The following DNAAF11 variants were observed in gnomAD, a reference collection of about 807,000 sequenced individuals.
DNAAF11 encodes dynein axonemal assembly factor 11, also known as leucine rich repeat containing 6.
Under a neutral mutation model 60.8 loss-of-function variants are expected in DNAAF11, and 45 were observed. The observed-to-expected ratio is 0.74, with a 90% CI of 0.58 to 0.95. The LOEUF (loss-of-function observed/expected upper bound fraction) is 0.95. DNAAF11 is among the 40% of genes least tolerant of loss of function. The pLI is 0.00. For synonymous variants in DNAAF11, 191 were observed against 183.5 expected, an observed-to-expected ratio of 1.04 and a Z score of -0.33; for missense variants, 546 against 546.2, an observed-to-expected ratio of 1.00 and a Z score of 0.00.
In DNAAF11 at chr8:132,636,911, C is replaced by A. The variant is rs540727743; in HGVS notation, c.429+1024G>T. The stretch of plus-strand genomic sequence containing the variant: ...TCTTGACTGCAGAGAACACAGAAGT[C>A]TAAGAAACAAACGTCCTTTGAGAAC... On this transcript the variant is annotated intron_variant, in intron 4 of 11. Coordinates refer to ENST00000620350, the MANE Select transcript of DNAAF11 (RefSeq NM_012472.6). Among the ~76,000 whole-genome samples the A allele has an allele frequency of 2.6e-5, 4 of 152,280 alleles. No homozygotes were observed. In the East Asian group the frequency reaches 7.7e-4, roughly 29 times the overall value.
upstream of DNAAF11, among the ~76,000 whole-genome samples, chr8:132,678,773 AATATTT>A (rs1165032634): frequency 6.6e-6 from 1 of 150,546 alleles, no homozygotes; most frequent in Non-Finnish European, 1.5e-5. Flanking sequence ...ATAATTTATT[AATATTT>A]ATAAGAATTT....
At chr8:132,646,506 T>C (rs1822403139) in intron 3 of DNAAF11, among the ~76,000 whole-genome samples, 2 of 152,216 alleles carry the variant, frequency 1.3e-5, no homozygotes, top group East Asian at 1.9e-4. Context: ...TAAATGTAAA[T>C]AGGCTAAATT....
In DNAAF11 at chr8:132,632,787, A is replaced by C; in HGVS notation, c.606T>G (p.Ser202Arg). The stretch of plus-strand genomic sequence containing the variant: ...ACCAACGTCCATCAAAGCCTGCGTT[A>C]CTTCTCTTGTCTTCATTTTTATCCT... ...QEEDKNEDKR[S>R]NAGFDGRWYT... The change falls in exon 5 of 12, where the codon AGT becomes AGG. Residue 202 changes from serine (S) to arginine (R), a missense_variant. Coordinates refer to ENST00000620350, the MANE Select transcript of DNAAF11 (RefSeq NM_012472.6). 1 of 1,613,958 alleles carries C rather than the reference A, an allele frequency of 6.2e-7. No homozygotes were observed. The highest frequency in any genetic ancestry group is 2.2e-5 in the East Asian group (1 of 44,864).
intron 10 of DNAAF11, among the ~76,000 whole-genome samples, chr8:132,596,279 G>A (rs1459120046): frequency 6.6e-6 from 1 of 152,130 alleles, no homozygotes; most frequent in Non-Finnish European, 1.5e-5. Flanking sequence ...TTACTGATAT[G>A]TATATGTAAA....
At chr8:132,635,105 C>G (rs1172494518) in intron 4 of DNAAF11, among the ~76,000 whole-genome samples, 1 of 152,130 alleles carries the variant, frequency 6.6e-6, no homozygotes, top group Non-Finnish European at 1.5e-5. Flanking sequence ...TGGGACTGTA[C>G]CCCAGCACCT....
intron 7 of DNAAF11, among the ~76,000 whole-genome samples, chr8:132,617,258 AG>A (rs1183675373): frequency 5.3e-5 from 8 of 152,320 alleles, no homozygotes; most frequent in Admixed American, 4.6e-4. Context: ...GAATGTGAAA[AG>A]GGAAGACAGC....
At chr8:132,664,610 C>T (rs950822704) in intron 1 of DNAAF11, among the ~76,000 whole-genome samples, 13 of 151,788 alleles carry the variant, frequency 8.6e-5, no homozygotes, top group Non-Finnish European at 1.5e-4. Flanking sequence ...TACAGGCATG[C>T]GCCACCACAC....
intron 10 of DNAAF11, among the ~76,000 whole-genome samples, chr8:132,605,266 G>A (rs981273948): frequency 6.6e-6 from 1 of 152,092 alleles, no homozygotes; most frequent in African/African-American, 2.4e-5. Context: ...CAGGTTCTCT[G>A]GCTCCAGAGC....
chr8:132,679,401 G>C (rs1465931451), upstream of DNAAF11, among the ~76,000 whole-genome samples: 2 of 152,200 alleles, frequency 1.3e-5, no homozygotes, highest in Admixed American at 6.5e-5. Flanking sequence ...ACTTCAGTAG[G>C]ATCACCAACC....
At chr8:132,576,760 T>C (rs368847925) in intron 11 of DNAAF11, among the ~76,000 whole-genome samples, 1 of 152,080 alleles carries the variant, frequency 6.6e-6, no homozygotes, top group Non-Finnish European at 1.5e-5. Flanking sequence ...AAAACAAGTC[T>C]GGTCCTAAGC....
intron 10 of DNAAF11, among the ~76,000 whole-genome samples, chr8:132,605,259 G>T (rs1025437810): frequency 6.6e-6 from 1 of 152,124 alleles, no homozygotes; most frequent in Non-Finnish European, 1.5e-5. Flanking sequence ...TTTAATTCAG[G>T]TTCTCTGGCT....
chr8:132,674,165 GAA>G (rs1825517749), intron 1 of DNAAF11, among the ~76,000 whole-genome samples: 4 of 147,042 alleles, frequency 2.7e-5, no homozygotes, highest in African/African-American at 1.0e-4. Context: ...AGGAGAAGGA[GAA>G]GGAGGAGGAG....
chr8:132,585,811 A>G (rs1178335711), intron 10 of DNAAF11, among the ~76,000 whole-genome samples: 1 of 152,196 alleles, frequency 6.6e-6, no homozygotes, highest in African/African-American at 2.4e-5. Context: ...ATGTAATTTT[A>G]TTGCTTTCCA....
intron 2 of DNAAF11, among the ~76,000 whole-genome samples, chr8:132,659,827 G>A (rs1442135045): frequency 1.3e-5 from 2 of 151,944 alleles, no homozygotes; most frequent in African/African-American, 2.4e-5. Flanking sequence ...TCTTTCTTGC[G>A]GGGGGTGGGG....
intron 5 of DNAAF11, among the ~76,000 whole-genome samples, chr8:132,629,725 G>A (rs1586631193): frequency 6.6e-6 from 1 of 152,134 alleles, no homozygotes; most frequent in East Asian, 1.9e-4. Context: ...TAAAGTAGAA[G>A]GAGAGGGACA....
At position 132,615,357 on chromosome 8, in the gene DNAAF11, A is replaced by G. The variant is rs2293978; in HGVS notation, c.915-260T>C. The stretch of plus-strand genomic sequence containing the variant: ...AAATTACACACAAAAAATTAGCTTT[A>G]GTGCAGAGATAGAGACATCTGGTGG... On this transcript the variant is annotated intron_variant, in intron 7 of 11. Coordinates refer to ENST00000620350, the MANE Select transcript of DNAAF11 (RefSeq NM_012472.6). Among the ~76,000 whole-genome samples the G allele has an allele frequency of 0.49, 74,909 of 152,036 alleles. 21,099 individuals are homozygous for G. Among genetic ancestry groups the G allele is most frequent in the African/African-American group, 0.78 (32,236 of 41,470 alleles).
At chr8:132,646,968 T>G (rs1822462861) in intron 3 of DNAAF11, among the ~76,000 whole-genome samples, 1 of 152,104 alleles carries the variant, frequency 6.6e-6, no homozygotes, top group Non-Finnish European at 1.5e-5. Flanking sequence ...ATCCAGGAAT[T>G]GAACTCAGCT....
upstream of DNAAF11, among the ~76,000 whole-genome samples, chr8:132,677,451 G>A (rs1825802883): frequency 1.3e-5 from 2 of 151,928 alleles, no homozygotes; most frequent in South Asian, 4.2e-4. Context: ...AATAATAAAG[G>A]ATCTCAGCCT....
chr8:132,574,766 C>A lies in DNAAF11; in HGVS notation c.1227-2286G>T, dbSNP rs192746046. On this transcript the variant is annotated intron_variant, in intron 11 of 11. Transcript: ENST00000620350. Reference sequence around the variant, plus strand: ...CCTTTTGTTGAGCCCCATGCTAAGGCCTTTACTTGTGTCATCAAATCCTCA... The same window carrying A: ...CCTTTTGTTGAGCCCCATGCTAAGGACTTTACTTGTGTCATCAAATCCTCA... 1.6e-4 allele frequency among the ~76,000 whole-genome samples: 25 copies of A among 152,240 alleles called. 1 individual carries two copies. The East Asian group carries it at 4.8e-3, about 29-fold the overall frequency.
Sources: gnomAD v4.1 joint callset for allele counts (sites outside exome capture counted in the v4.1 genomes callset) on GRCh38, gnomAD v4.1.1 for gene constraint, MANE v1.5 for transcripts, NCBI Gene and HGNC (gene_info 2026-07-23, HGNC 2026-07-21) for gene names.